Variants in GRIN2A observed in about 807,000 individuals in gnomAD.
The protein encoded by GRIN2A is glutamate ionotropic receptor NMDA type subunit 2A, also known as glutamate receptor ionotropic, NMDA 2A.
GRIN2A carries 22 observed loss-of-function variants against 113.4 expected under a neutral mutation model. That is an observed-to-expected ratio of 0.19 (90% CI 0.14 to 0.28). GRIN2A has a LOEUF of 0.28. Among genes scored for constraint, GRIN2A ranks in the 10% least tolerant of loss-of-function variants. The pLI is 1.00. For missense variants in GRIN2A, 1,502 were observed against 1,887.0 expected (o/e 0.80, Z 3.78); for synonymous variants, 827 against 738.4 (o/e 1.12, Z -1.94).
intron 11 of GRIN2A, among the ~76,000 whole-genome samples, chr16:9,778,534 GA>G (rs1289686458): frequency 4.0e-5 from 6 of 151,774 alleles, no homozygotes; most frequent in Admixed American, 3.9e-4. Flanking sequence ...ACAGATTTAA[GA>G]AAAAAAAGGA....
intron 4 of GRIN2A, among the ~76,000 whole-genome samples, chr16:9,850,219 C>G (rs1316652154): frequency 6.6e-6 from 1 of 152,298 alleles, no homozygotes; most frequent in Middle Eastern, 3.4e-3. Context: ...GCACTGATAC[C>G]TTTACAGCCC....
intron 7 of GRIN2A, among the ~76,000 whole-genome samples, chr16:9,840,118 A>T (rs1007311663): frequency 1.5e-4 from 23 of 152,104 alleles, no homozygotes; most frequent in Non-Finnish European, 2.2e-4. Flanking sequence ...ACTCCATCTC[A>T]AAAAAATAAA....
chr16:9,786,434 C>T (rs1229502920), intron 11 of GRIN2A, among the ~76,000 whole-genome samples: 2 of 152,052 alleles, frequency 1.3e-5, no homozygotes, highest in East Asian at 1.9e-4. Context: ...TCACCATGAA[C>T]AATGGAAAAA....
intron 2 of GRIN2A, among the ~76,000 whole-genome samples, chr16:10,093,531 G>C (rs760735799): frequency 7.9e-5 from 12 of 152,004 alleles, no homozygotes; most frequent in Non-Finnish European, 1.3e-4. Flanking sequence ...CAGTATTATA[G>C]TCAGGTGGCA....
Position 9,784,335 on chromosome 16 carries a change from C to A in GRIN2A, c.2356+13942G>T, listed in dbSNP as rs188630739. Among the ~76,000 whole-genome samples the A allele has an allele frequency of 6.2e-4, 93 of 150,750 alleles. 1 individual carries two copies. Among genetic ancestry groups the A allele is most frequent in the African/African-American group, 2.1e-3 (87 of 40,918 alleles). ...ATCCCAGCTACTCGGGAGGCTAAGG[C>A]AGGAAAATTGCTTGAACCCAGGAAG... On this transcript the variant is annotated intron_variant, in intron 11 of 12. Coordinates refer to ENST00000330684, the MANE Select transcript of GRIN2A (RefSeq NM_001134407.3).
At chr16:10,017,802 A>T (rs571660625) in intron 2 of GRIN2A, among the ~76,000 whole-genome samples, 6 of 149,748 alleles carry the variant, frequency 4.0e-5, no homozygotes, top group African/African-American at 1.5e-4. Flanking sequence ...TATTTTTACA[A>T]ATAAAAACCA....
At chr16:10,117,224 T>C (rs936293684) in intron 2 of GRIN2A, among the ~76,000 whole-genome samples, 1 of 152,192 alleles carries the variant, frequency 6.6e-6, no homozygotes. Context: ...AGCAAGATGG[T>C]AGCAGTGATT....
At chr16:9,833,448 C>T (rs1464449493) in intron 8 of GRIN2A, among the ~76,000 whole-genome samples, 1 of 152,142 alleles carries the variant, frequency 6.6e-6, no homozygotes, top group Non-Finnish European at 1.5e-5. Flanking sequence ...ATTTTCTTTG[C>T]ATAGACTGAA....
At chr16:9,897,902 G>A (rs946578594) in intron 3 of GRIN2A, among the ~76,000 whole-genome samples, 1 of 152,072 alleles carries the variant, frequency 6.6e-6, no homozygotes, top group Non-Finnish European at 1.5e-5. Flanking sequence ...CCACAGAGCT[G>A]GTGCTGAACA....
chr16:9,952,727 C>G (rs940940133), intron 2 of GRIN2A, among the ~76,000 whole-genome samples: 1 of 152,134 alleles, frequency 6.6e-6, no homozygotes, highest in South Asian at 2.1e-4. Flanking sequence ...CCCAAGTACA[C>G]GTGACAGAGC....
At chr16:10,056,812 A>T (rs1248910053) in intron 2 of GRIN2A, among the ~76,000 whole-genome samples, 1 of 152,132 alleles carries the variant, frequency 6.6e-6, no homozygotes, top group African/African-American at 2.4e-5. Flanking sequence ...TTGGAAAGAG[A>T]ACAGTAATGC....
chr16:10,033,752 GCTGCAGT>G lies in GRIN2A; in HGVS notation c.415-95208_415-95202del, dbSNP rs2046971688. 3 of 152,382 alleles carry G rather than the reference GCTGCAGT, an allele frequency of 2.0e-5. No homozygotes were observed. In the South Asian group the frequency reaches 6.2e-4, roughly 32 times the overall value. The allele number at this position is 152,382 out of a possible 1,614,324, so 9.4% of individuals were successfully genotyped here. Reference sequence around the variant, plus strand: ...ATGTGCGACCAGCATTAAAGGGGCAGCTGCAGTCAGTCCTCTCTGGAGCCCTGTCCTT... The same window carrying G: ...ATGTGCGACCAGCATTAAAGGGGCAGCAGTCCTCTCTGGAGCCCTGTCCTT... On this transcript the variant is annotated intron_variant, in intron 2 of 12. Coordinates refer to ENST00000330684, the MANE Select transcript of GRIN2A (RefSeq NM_001134407.3).
chr16:10,077,233 G>A (rs1477572043), intron 2 of GRIN2A, among the ~76,000 whole-genome samples: 1 of 152,222 alleles, frequency 6.6e-6, no homozygotes, highest in Non-Finnish European at 1.5e-5. Flanking sequence ...TGGGTGACCA[G>A]TAGGATTATA....
chr16:9,763,086 T>C lies in GRIN2A; in HGVS notation c.*63A>G. 6.6e-7 allele frequency: 1 copy of C among 1,524,224 alleles called. No individual in the cohort carries two copies. Among genetic ancestry groups the C allele is most frequent in the Non-Finnish European group, 9.1e-7 (1 of 1,104,610 alleles). The allele number at this position is 1,524,224 out of a possible 1,614,324, so 94.4% of individuals were successfully genotyped here. A position where few individuals can be genotyped will look rare whatever the true frequency, so the allele number is the denominator to read the frequency against. On this transcript the variant is annotated 3_prime_UTR_variant, in exon 13 of 13. Coordinates refer to ENST00000330684, the MANE Select transcript of GRIN2A (RefSeq NM_001134407.3). ...AGGGCACTATTGGACATCCAACATT[T>C]ACCCTCCAGAACATTGGCCATTACG...
Position 10,172,107 on chromosome 16 carries a change from C to T in GRIN2A, c.414+7891G>A, listed in dbSNP as rs543913608. ...TTTCCTTGATGAGGCACAAAATTTT[C>T]AGAGCTGGAAGAGATCTTAGTGATA... is the stretch of plus-strand genomic sequence containing the variant. On this transcript the variant is annotated intron_variant, in intron 2 of 12. Transcript: ENST00000330684. Among the ~76,000 whole-genome samples, 3 of 152,328 alleles carry T rather than the reference C, an allele frequency of 2.0e-5. No homozygotes were observed. The East Asian group carries it at 5.8e-4, about 29-fold the overall frequency.
chr16:9,927,792 C>T lies in GRIN2A; in HGVS notation c.1007+10167G>A, dbSNP rs557538124. Among the ~76,000 whole-genome samples the T allele has an allele frequency of 2.2e-4, 34 of 152,054 alleles. 1 individual carries two copies. Among genetic ancestry groups the T allele is most frequent in the Non-Finnish European group, 3.5e-4 (24 of 68,016 alleles). On this transcript the variant is annotated intron_variant, in intron 3 of 12. Coordinates refer to ENST00000330684, the MANE Select transcript of GRIN2A (RefSeq NM_001134407.3). ...ACTCACCCTCACATACATAATGATG[C>T]GTTGATTAAATTAAATTGTTTAAAC... is the stretch of plus-strand genomic sequence containing the variant.
intron 2 of GRIN2A, among the ~76,000 whole-genome samples, chr16:10,044,184 C>T (rs904023044): frequency 6.6e-6 from 1 of 151,762 alleles, no homozygotes; most frequent in African/African-American, 2.4e-5. Flanking sequence ...CTCCGTCTCG[C>T]CACCATGCCC....
In GRIN2A at chr16:9,758,278, T is replaced by C. The variant is rs190555116; in HGVS notation, c.*4871A>G. The C allele has an allele frequency of 2.5e-4, 57 of 223,956 alleles. 1 individual carries two copies. The highest frequency in any genetic ancestry group is 1.3e-3 in the African/African-American group (57 of 44,880). 13.9% of individuals were successfully genotyped at this position (223,956 alleles called of 1,614,324 possible). On this transcript the variant is annotated 3_prime_UTR_variant, in exon 13 of 13. Coordinates refer to ENST00000330684, the MANE Select transcript of GRIN2A (RefSeq NM_001134407.3). Reference sequence around the variant, plus strand: ...TAAATAGGAAATCTATGCCCTTTGATGTGTTTAAGGAAATCACACACAAGT... The same window carrying C: ...TAAATAGGAAATCTATGCCCTTTGACGTGTTTAAGGAAATCACACACAAGT...
intron 3 of GRIN2A, among the ~76,000 whole-genome samples, chr16:9,931,255 C>T (rs2044587142): frequency 6.6e-6 from 1 of 152,124 alleles, no homozygotes; most frequent in Admixed American, 6.5e-5. Flanking sequence ...ACTTCCATTG[C>T]TTGCTTTCCT....
Sources: gnomAD v4.1 joint callset for allele counts (sites outside exome capture counted in the v4.1 genomes callset) on GRCh38, gnomAD v4.1.1 for gene constraint, MANE v1.5 for transcripts, NCBI Gene and HGNC (gene_info 2026-07-23, HGNC 2026-07-21) for gene names.